The following HDDC2 variants were observed in gnomAD, a reference collection of about 807,000 sequenced individuals.
HDDC2 encodes HD domain containing 2.
Under a neutral mutation model 25.5 loss-of-function variants are expected in HDDC2, and 25 were observed. The ratio of observed to expected loss-of-function variants is 0.98; its 90% CI spans 0.72 to 1.37. The LOEUF (loss-of-function observed/expected upper bound fraction) is 1.37, where lower values mean the gene tolerates loss of function less well. HDDC2 is among the 40% of genes most tolerant of loss of function. The pLI is 0.00. For synonymous variants in HDDC2, 106 were observed against 89.7 expected (o/e 1.18, Z -1.03); for missense variants, 264 against 253.1 (o/e 1.04, Z -0.29).
chr6:125,296,239 A>G (rs542917634), intron 3 of HDDC2, among the ~76,000 whole-genome samples: 1 of 152,324 alleles, frequency 6.6e-6, no homozygotes, highest in South Asian at 2.1e-4. Context: ...ATGGAAGGGT[A>G]TGTGCAGGTG....
intron 4 of HDDC2, among the ~76,000 whole-genome samples, chr6:125,288,492 G>A (rs1425349420): frequency 6.6e-6 from 1 of 152,154 alleles, no homozygotes; most frequent in Non-Finnish European, 1.5e-5. Context: ...CAAGCAGGAT[G>A]GAGATTCAAA....
intron 5 of HDDC2, 56 bp from the exon 6 acceptor site, chr6:125,276,299 T>C: frequency 1.5e-6 from 2 of 1,310,584 alleles, no homozygotes; most frequent in South Asian, 2.4e-5. Flanking sequence ...GAGAGTATAT[T>C]CATTTCCCCA....
chr6:125,292,228 C>T (rs1798643290), intron 4 of HDDC2, among the ~76,000 whole-genome samples: 1 of 151,822 alleles, frequency 6.6e-6, no homozygotes, highest in Non-Finnish European at 1.5e-5. Flanking sequence ...TTTTTTTTCC[C>T]TTCACAAATG....
chr6:125,284,774 G>C (rs1583050653), intron 4 of HDDC2, among the ~76,000 whole-genome samples: 1 of 152,150 alleles, frequency 6.6e-6, no homozygotes, highest in Non-Finnish European at 1.5e-5. Flanking sequence ...CAAGGATCTA[G>C]AACTAGAAAT....
chr6:125,280,693 TGAAA>T (rs1367432943), intron 4 of HDDC2, among the ~76,000 whole-genome samples: 5 of 152,232 alleles, frequency 3.3e-5, no homozygotes, highest in African/African-American at 1.2e-4. Context: ...AGAGCATCTC[TGAAA>T]GAAAGGCCGT....
intron 1 of HDDC2, 133 bp downstream of exon 1, chr6:125,301,716 C>T (rs1325354530): frequency 9.4e-6 from 6 of 641,640 alleles, no homozygotes; most frequent in Non-Finnish European, 1.5e-5. Context: ...GGACTGGGGC[C>T]TTTCCGGAAT....
intron 4 of HDDC2, among the ~76,000 whole-genome samples, chr6:125,286,102 C>T (rs1798530506): frequency 6.6e-6 from 1 of 152,130 alleles, no homozygotes; most frequent in Admixed American, 6.5e-5. Context: ...CACAGAGAAA[C>T]TATTAATAAC....
At chr6:125,289,471 TA>T in intron 4 of HDDC2, among the ~76,000 whole-genome samples, 1 of 121,728 alleles carries the variant, frequency 8.2e-6, no homozygotes, top group South Asian at 2.4e-4. Flanking sequence ...CCCTAAAACT[TA>T]GAGTATAATA....
At chr6:125,297,020 T>A (rs79348005) in intron 3 of HDDC2, among the ~76,000 whole-genome samples, 2 of 152,214 alleles carry the variant, frequency 1.3e-5, no homozygotes, top group Admixed American at 6.5e-5. Context: ...CATTTTTCCT[T>A]GCCTTCTCTT....
rs368162585 is a variant in HDDC2, at chr6:125,276,173, A to G, written c.588T>C (p.Ala196=). 6.2e-6 allele frequency: 10 copies of G among 1,613,820 alleles called. No individual in the cohort carries two copies. In the African/African-American group the frequency reaches 1.2e-4, roughly 19 times the overall value. Residue 196 remains alanine, a synonymous_variant, in exon 6 of 6, where the codon GCT becomes GCC. Coordinates refer to ENST00000398153, the MANE Select transcript of HDDC2 (RefSeq NM_016063.3). ...ELEAERSTNI[A]AAASEPHS is the part of the protein sequence containing the mutation. ...AGGAGTGTGGCTCACTGGCAGCTGC[A>G]GCTATGTTAGTGCTTCTTTCTGCCT...
At chr6:125,281,816 T>G (rs9482636) in intron 4 of HDDC2, among the ~76,000 whole-genome samples, 29,985 of 152,018 alleles carry the variant, frequency 0.2, 3,345 homozygotes, top group African/African-American at 0.31. Context: ...CCTAGCAAGA[T>G]AGGCCAGCAT....
chr6:125,276,032 G>A lies in HDDC2; in HGVS notation c.*114C>T. ...ATTTCTTGCTGAAGTTCAGACAATT[G>A]AAAACAAACAGACTCACATCTAGGG... On this transcript the variant is annotated 3_prime_UTR_variant, in exon 6 of 6. Transcript: ENST00000398153. The A allele has an allele frequency of 1.3e-6, 1 of 773,064 alleles. No homozygotes were observed. Among genetic ancestry groups the A allele is most frequent in the Non-Finnish European group, 2.2e-6 (1 of 458,488 alleles). 47.9% of individuals were successfully genotyped at this position (773,064 alleles called of 1,614,324 possible). A position where few individuals can be genotyped will look rare whatever the true frequency, so the allele number is the denominator to read the frequency against.
intron 1 of HDDC2, 115 bp downstream of exon 1, chr6:125,301,734 G>T: frequency 1.4e-6 from 1 of 703,738 alleles, no homozygotes; most frequent in Non-Finnish European, 2.2e-6. Context: ...AATTCGGCGT[G>T]GCGGACGCGG....
Position 125,298,752 on chromosome 6 carries a change from C to A in HDDC2, c.271G>T (p.Asp91Tyr), listed in dbSNP as rs774746767. 6.2e-7 allele frequency: 1 copy of A among 1,614,170 alleles called. No individual in the cohort carries two copies. Among genetic ancestry groups the A allele is most frequent in the South Asian group, 1.1e-5 (1 of 91,084 alleles). The change falls in exon 3 of 6, where the codon GAT (aspartate) becomes TAT (tyrosine). Residue 91 changes from aspartate to tyrosine, a missense_variant. Transcript: ENST00000398153. ...ECIVGDIAPADNIPKEEKHRR... is the reference protein window; with the variant it reads ...ECIVGDIAPAYNIPKEEKHRR... ...TGTTTTTCTTCTTTGGGGATGTTATCTGCTGGTGCTATGTCCCCAACGATG... is the reference window on the plus strand; with the variant it reads ...TGTTTTTCTTCTTTGGGGATGTTATATGCTGGTGCTATGTCCCCAACGATG...
intron 4 of HDDC2, among the ~76,000 whole-genome samples, chr6:125,286,982 A>G (rs140339940): frequency 2.0e-5 from 3 of 152,230 alleles, no homozygotes; most frequent in African/African-American, 4.8e-5. Flanking sequence ...ATATGCCCCC[A>G]TAGTTTTGCC....
At chr6:125,280,837 A>G (rs1273701860) in intron 4 of HDDC2, among the ~76,000 whole-genome samples, 1 of 152,256 alleles carries the variant, frequency 6.6e-6, no homozygotes, top group Non-Finnish European at 1.5e-5. Context: ...AGACAGCAGC[A>G]GATCTCCTAG....
At chr6:125,292,483 G>A (rs922392714) in intron 4 of HDDC2, among the ~76,000 whole-genome samples, 4 of 152,094 alleles carry the variant, frequency 2.6e-5, no homozygotes, top group Admixed American at 2.0e-4. Flanking sequence ...GAAACGTGCC[G>A]AGGTCACAGA....
At chr6:125,289,705 G>C (rs530307153) in intron 4 of HDDC2, among the ~76,000 whole-genome samples, 1 of 152,060 alleles carries the variant, frequency 6.6e-6, no homozygotes, top group South Asian at 2.1e-4. Context: ...GAATGAATTG[G>C]GGGGAGACAT....
chr6:125,276,603 G>T, intron 5 of HDDC2: 1 of 279,748 alleles, frequency 3.6e-6, no homozygotes, highest in Non-Finnish European at 6.7e-6. Flanking sequence ...TTCCAAACCT[G>T]CAATTAAGTA....
Sources: gnomAD v4.1 joint callset for allele counts (sites outside exome capture counted in the v4.1 genomes callset) on GRCh38, gnomAD v4.1.1 for gene constraint, MANE v1.5 for transcripts, NCBI Gene and HGNC (gene_info 2026-07-23, HGNC 2026-07-21) for gene names.